Variants in EFCAB5 observed in about 807,000 individuals in gnomAD.
The protein encoded by EFCAB5 is EF-hand calcium binding domain 5, also known as EF-hand calcium-binding domain-containing protein 5.
A neutral mutation model predicts 167.9 loss-of-function variants in EFCAB5; 131 were observed. The observed-to-expected ratio is 0.78, with a 90% CI of 0.68 to 0.90. The LOEUF is 0.90. Among genes scored for constraint, EFCAB5 ranks in the 40% least tolerant of loss-of-function variants. The probability of loss-of-function intolerance (pLI) is 0.00; values close to 1 mark genes in which losing one functional copy is unlikely to be tolerated. For synonymous variants in EFCAB5, 574 were observed against 602.8 expected (o/e 0.95, Z 0.70); for missense variants, 1,663 against 1,745.2 (o/e 0.95, Z 0.84).
chr17:29,968,444 GA>G (rs1449331220), intron 3 of EFCAB5: 4 of 388,708 alleles, frequency 1.0e-5, no homozygotes, highest in African/African-American at 6.5e-5. Context: ...CTCAAGAGGA[GA>G]AAAACCCTTT....
At chr17:29,951,967 G>A (rs1160105270) in intron 3 of EFCAB5, among the ~76,000 whole-genome samples, 1 of 152,180 alleles carries the variant, frequency 6.6e-6, no homozygotes, top group East Asian at 1.9e-4. Flanking sequence ...CCCTGTGCCA[G>A]TCTGTTCCTG....
chr17:30,054,935 A>G (rs1403057649), intron 10 of EFCAB5, among the ~76,000 whole-genome samples: 2 of 152,162 alleles, frequency 1.3e-5, no homozygotes, highest in African/African-American at 2.4e-5. Context: ...TTCAGTCGCA[A>G]TAGTAATGGT....
chr17:29,971,928 T>C (rs2067962318), intron 4 of EFCAB5, among the ~76,000 whole-genome samples: 1 of 152,204 alleles, frequency 6.6e-6, no homozygotes, highest in African/African-American at 2.4e-5. Context: ...TGGATTTTAA[T>C]ATATATTCAA....
chr17:30,009,940 TC>T (rs2151677501), intron 7 of EFCAB5, among the ~76,000 whole-genome samples: 1 of 152,294 alleles, frequency 6.6e-6, no homozygotes, highest in African/African-American at 2.4e-5. Context: ...TAGGTATTTC[TC>T]CTAATGCTAT....
intron 3 of EFCAB5, among the ~76,000 whole-genome samples, chr17:29,959,532 G>A (rs1440072487): frequency 6.6e-6 from 1 of 152,114 alleles, no homozygotes; most frequent in African/African-American, 2.4e-5. Context: ...CAAGGCCCAT[G>A]GGCACTTTAG....
At chr17:29,965,645 CTGTTTTTTCCATGAAAT>C (rs1273792009) in intron 3 of EFCAB5, among the ~76,000 whole-genome samples, 40 of 152,152 alleles carry the variant, frequency 2.6e-4, no homozygotes, top group African/African-American at 9.7e-4. Flanking sequence ...GTTGAAGAGA[CTGTTTTTTCCATGAAAT>C]TGTTTTGGTA....
At chr17:30,006,887 A>G (rs1475072114) in intron 7 of EFCAB5, among the ~76,000 whole-genome samples, 2 of 152,136 alleles carry the variant, frequency 1.3e-5, no homozygotes, top group Non-Finnish European at 2.9e-5. Flanking sequence ...AAATTCCTGG[A>G]TTCAAGCGAT....
intron 7 of EFCAB5, among the ~76,000 whole-genome samples, chr17:30,020,319 C>T (rs1015814731): frequency 4.7e-5 from 7 of 148,958 alleles, no homozygotes; most frequent in African/African-American, 1.5e-4. Context: ...TTCCTTCTTT[C>T]GGCTTAGTTT....
intron 14 of EFCAB5, among the ~76,000 whole-genome samples, chr17:30,060,633 G>A (rs767530158): frequency 1.3e-5 from 2 of 152,104 alleles, no homozygotes; most frequent in East Asian, 1.9e-4. Context: ...TTGGTTGAGC[G>A]TCAAATGTTC....
rs188682886 is a variant in EFCAB5, at chr17:30,042,607, G to A, written c.1200+8222G>A. ...AACTCAAAAGAAAATAGGAAAACTA[G>A]ATATCCTTATATGTATAAAGAAGTA... On this transcript the variant is annotated intron_variant, in intron 8 of 22. Transcript: ENST00000394835. Among the ~76,000 whole-genome samples, 749 of 152,104 alleles carry A rather than the reference G, an allele frequency of 4.9e-3. 5 individuals carry two copies. Among genetic ancestry groups the A allele is most frequent in the Admixed American group, 8.6e-3 (131 of 15,270 alleles).
At chr17:29,977,666 G>A (rs1486150621) in intron 4 of EFCAB5, among the ~76,000 whole-genome samples, 2 of 152,152 alleles carry the variant, frequency 1.3e-5, no homozygotes, top group Non-Finnish European at 2.9e-5. Context: ...ATGCATTAAT[G>A]ATGGAACATT....
intron 3 of EFCAB5, among the ~76,000 whole-genome samples, chr17:29,958,439 T>C (rs1020839660): frequency 6.6e-6 from 1 of 152,188 alleles, no homozygotes; most frequent in African/African-American, 2.4e-5. Flanking sequence ...TCATACATTC[T>C]TCAGTACATT....
rs199668429 is a variant in EFCAB5, at chr17:30,085,492, G to A, written c.3580-1571G>A. On this transcript the variant is annotated intron_variant, in intron 18 of 22. Coordinates refer to ENST00000394835, the MANE Select transcript of EFCAB5 (RefSeq NM_198529.4). ...TCCCAGCACTTTGGGAGGCTGAGGC[G>A]GGCAGATCACGAGGTCAGGAGATCG... is the stretch of plus-strand genomic sequence containing the variant. Among the ~76,000 whole-genome samples, 9 of 152,138 alleles carry A rather than the reference G, an allele frequency of 5.9e-5. No homozygotes were observed. In the East Asian group the frequency reaches 7.8e-4, roughly 13 times the overall value.
chr17:30,080,881 A>C lies in EFCAB5; in HGVS notation c.3326A>C (p.Gln1109Pro). ...YNGSFLALPL[Q>P]DAYMRIFGVL... ...GGTTCATTCCTGGCTCTGCCTCTTCAAGATGCATATATGAGGATCTTTGGG... is the reference window on the plus strand; with the variant it reads ...GGTTCATTCCTGGCTCTGCCTCTTCCAGATGCATATATGAGGATCTTTGGG... The change falls in exon 17 of 23, where the codon CAA becomes CCA. Residue 1109 changes from glutamine to proline, a missense_variant. By Grantham distance (76) the Gln-to-Pro change is moderately conservative. Transcript: ENST00000394835. 1 of 1,613,878 alleles carries C rather than the reference A, an allele frequency of 6.2e-7. No individual in the cohort carries two copies. The highest frequency in any genetic ancestry group is 8.5e-7 in the Non-Finnish European group (1 of 1,179,862).
intron 22 of EFCAB5, among the ~76,000 whole-genome samples, chr17:30,104,451 T>G (rs576692161): frequency 6.6e-6 from 1 of 152,288 alleles, no homozygotes; most frequent in African/African-American, 2.4e-5. Flanking sequence ...AAATATCATG[T>G]TTCTGAACTA....
chr17:30,090,824 C>A, intron 20 of EFCAB5, 150 bp downstream of exon 20: 16 of 1,116,064 alleles, frequency 1.4e-5, no homozygotes, highest in Non-Finnish European at 2.0e-5. Context: ...TGCAGTCTTG[C>A]GCTGACGAGT....
intron 3 of EFCAB5, among the ~76,000 whole-genome samples, chr17:29,961,325 T>C (rs2067715631): frequency 6.6e-6 from 1 of 152,172 alleles, no homozygotes; most frequent in East Asian, 1.9e-4. Context: ...TGTTATTGAG[T>C]TTTAGAAGTT....
chr17:30,079,856 A>G (rs924843294), intron 15 of EFCAB5, among the ~76,000 whole-genome samples: 1 of 152,164 alleles, frequency 6.6e-6, no homozygotes, highest in African/African-American at 2.4e-5. Flanking sequence ...TCCAGTTGGC[A>G]TAGAAGAAAC....
rs557752186 is a variant in EFCAB5, at chr17:30,032,540, A to G, written c.1045-1690A>G. On this transcript the variant is annotated intron_variant, in intron 7 of 22. Transcript: ENST00000394835. Reference sequence around the variant, plus strand: ...ATGTAAAAGATGTCCTCCCTGTATCAGGAGAAAGGAAACATTATTCAACTG... The same window carrying G: ...ATGTAAAAGATGTCCTCCCTGTATCGGGAGAAAGGAAACATTATTCAACTG... Among the ~76,000 whole-genome samples the G allele has an allele frequency of 8.5e-5, 13 of 152,326 alleles. No individual in the cohort carries two copies. The South Asian group carries it at 2.3e-3, about 27-fold the overall frequency.
Sources: gnomAD v4.1 joint callset for allele counts (sites outside exome capture counted in the v4.1 genomes callset) on GRCh38, gnomAD v4.1.1 for gene constraint, MANE v1.5 for transcripts, NCBI Gene and HGNC (gene_info 2026-07-23, HGNC 2026-07-21) for gene names.